CACHD1: variants seen among roughly 807,000 people sequenced by gnomAD.
CACHD1 encodes the protein VWFA and cache domain-containing protein 1.
Under a neutral mutation model 138.7 loss-of-function variants are expected in CACHD1, and 71 were observed. The ratio of observed to expected loss-of-function variants is 0.51; its 90% CI spans 0.42 to 0.62. The LOEUF is 0.62. CACHD1 is among the 20% of genes least tolerant of loss of function. The pLI, the probability that CACHD1 is intolerant of heterozygous loss-of-function variation, is 0.00. For synonymous variants in CACHD1, 578 were observed against 591.5 expected (o/e 0.98, Z 0.33); for missense variants, 1,389 against 1,625.3 (o/e 0.85, Z 2.50).
At chr1:64,564,143 G>A (rs534158299) in intron 2 of CACHD1, among the ~76,000 whole-genome samples, 340 of 152,214 alleles carry the variant, frequency 2.2e-3, no homozygotes, top group Non-Finnish European at 3.8e-3. Context: ...TCTGTCTAAA[G>A]ACGGATCCTC....
chr1:64,661,275 A>G (rs968803051), intron 13 of CACHD1, among the ~76,000 whole-genome samples: 4 of 151,748 alleles, frequency 2.6e-5, no homozygotes, highest in African/African-American at 4.9e-5. Flanking sequence ...CTTGGTACAC[A>G]AAGAGACAAA....
intron 1 of CACHD1, among the ~76,000 whole-genome samples, chr1:64,519,718 C>T (rs305572): frequency 0.18 from 27,994 of 152,246 alleles, 4,711 homozygotes; most frequent in African/African-American, 0.45. Flanking sequence ...AGTCTTATGA[C>T]GAGCACATTT....
At chr1:64,652,614 A>G (rs1649132965) in intron 10 of CACHD1, among the ~76,000 whole-genome samples, 1 of 152,202 alleles carries the variant, frequency 6.6e-6, no homozygotes, top group East Asian at 1.9e-4. Flanking sequence ...TAAAGAAGAA[A>G]TAATGCAGCC....
At chr1:64,505,761 C>G (rs1646369619) in intron 1 of CACHD1, among the ~76,000 whole-genome samples, 1 of 142,836 alleles carries the variant, frequency 7.0e-6, no homozygotes, top group Admixed American at 6.9e-5. Flanking sequence ...TCCGGGCGCC[C>G]TCCTTCCCCG....
chr1:64,666,697 C>G (rs1428835450), intron 16 of CACHD1, among the ~76,000 whole-genome samples: 1 of 151,720 alleles, frequency 6.6e-6, no homozygotes, highest in Non-Finnish European at 1.5e-5. Context: ...AGCAACATAG[C>G]GAGACCCTGG....
intron 19 of CACHD1, among the ~76,000 whole-genome samples, chr1:64,674,396 CT>C (rs752748934): frequency 1.7e-4 from 26 of 152,252 alleles, no homozygotes; most frequent in Middle Eastern, 3.4e-3. Flanking sequence ...TGTGTATCTT[CT>C]ATTATTTATG....
At chr1:64,617,150 A>G (rs1042779283) in intron 4 of CACHD1, among the ~76,000 whole-genome samples, 2 of 41,604 alleles carry the variant, frequency 4.8e-5, no homozygotes, top group Non-Finnish European at 1.1e-4. Flanking sequence ...AAAAAACAAA[A>G]CAAAACAAAA....
intron 8 of CACHD1, among the ~76,000 whole-genome samples, chr1:64,647,017 G>A (rs901617683): frequency 8.7e-5 from 13 of 150,080 alleles, no homozygotes; most frequent in Non-Finnish European, 1.9e-4. Context: ...GTCCCCATAT[G>A]CAATCAGTTT....
At chr1:64,516,916 A>G (rs1323773515) in intron 1 of CACHD1, among the ~76,000 whole-genome samples, 2 of 152,226 alleles carry the variant, frequency 1.3e-5, no homozygotes, top group African/African-American at 4.8e-5. Context: ...TCAGCATTGC[A>G]ATTAACTGGA....
Position 64,663,737 on chromosome 1 carries a change from C to T in CACHD1, c.1994C>T (p.Pro665Leu), listed in dbSNP as rs770226675. The part of the protein sequence containing the change: ...IMLSAGSFSS[P>L]YEHLSQPETK... ...CTGTCTGCTGGCAGCTTTTCCTCCC[C>T]CTATGAGCACCTCAGCCAGCCAGAG... The change falls in exon 14 of 27, where the codon CCC (proline) becomes CTC (leucine). Residue 665 changes from proline (P) to leucine (L), a missense_variant. This residue lies in a region of CACHD1 where 1,000 missense variants were observed against 1,114.7 expected (regional missense o/e 0.90). Coordinates refer to ENST00000651257, the MANE Select transcript of CACHD1 (RefSeq NM_020925.4). The T allele has an allele frequency of 2.5e-6, 4 of 1,614,060 alleles. No individual in the cohort carries two copies. The highest frequency in any genetic ancestry group is 2.5e-6 in the Non-Finnish European group (3 of 1,180,010).
At chr1:64,614,813 TA>T (rs1181601880) in intron 4 of CACHD1, among the ~76,000 whole-genome samples, 2 of 152,200 alleles carry the variant, frequency 1.3e-5, no homozygotes, top group Non-Finnish European at 2.9e-5. Flanking sequence ...GTGGTAAATT[TA>T]GATCCTCATT....
At chr1:64,668,326 CAAAAA>C (rs531925361) in intron 16 of CACHD1, among the ~76,000 whole-genome samples, 1 of 87,710 alleles carries the variant, frequency 1.1e-5, no homozygotes, top group Non-Finnish European at 2.3e-5. Flanking sequence ...GACTGCATCT[CAAAAA>C]AAAAAAAAAA....
chr1:64,599,866 G>A (rs1000467122), intron 3 of CACHD1, among the ~76,000 whole-genome samples: 2 of 152,112 alleles, frequency 1.3e-5, no homozygotes, highest in Non-Finnish European at 2.9e-5. Context: ...TGAAAGCGAC[G>A]TGCTCTCTGT....
chr1:64,615,433 T>C lies in CACHD1; in HGVS notation c.517+12521T>C, dbSNP rs556377044. Among the ~76,000 whole-genome samples the C allele has an allele frequency of 9.1e-4, 138 of 152,326 alleles. 3 individuals carry two copies. The South Asian group carries it at 0.028, about 30-fold the overall frequency. On this transcript the variant is annotated intron_variant, in intron 4 of 26. Transcript: ENST00000651257. Reference sequence around the variant, plus strand: ...GGTTGTGTTGGCTCAGCTATGACTCTTTATGACTTTACTGTATGGCACATT... The same window carrying C: ...GGTTGTGTTGGCTCAGCTATGACTCCTTATGACTTTACTGTATGGCACATT...
At chr1:64,585,917 A>T (rs1179275086) in intron 3 of CACHD1, among the ~76,000 whole-genome samples, 1 of 152,234 alleles carries the variant, frequency 6.6e-6, no homozygotes, top group Non-Finnish European at 1.5e-5. Flanking sequence ...ATGAAGATTT[A>T]AAAATGGAAA....
rs1376025847 is a variant in CACHD1 at position 64,470,892 on chromosome 1, A to T, written c.148A>T (p.Ser50Cys). The T allele has an allele frequency of 6.2e-7, 1 of 1,609,136 alleles. No individual in the cohort carries two copies. The highest frequency in any genetic ancestry group is 1.3e-5 in the African/African-American group (1 of 74,968). Residue 50 changes from serine (S) to cysteine (C), a missense_variant, in exon 1 of 27, where the codon AGC (serine) becomes TGC (cysteine). Coordinates refer to ENST00000651257, the MANE Select transcript of CACHD1 (RefSeq NM_020925.4). This position sits in a 1 kb window ranked among gnomAD's most constrained non-coding sequence, Gnocchi z 5.2. Reference sequence around the variant, plus strand: ...CCTGGACGAGGCGCAAGTGCTGGCGAGCCAGATGCGGAGGCTGGCGGCCGA... The same window carrying T: ...CCTGGACGAGGCGCAAGTGCTGGCGTGCCAGATGCGGAGGCTGGCGGCCGA... Reference protein sequence around the residue: ...SILDEAQVLASQMRRLAAEEL... With the variant: ...SILDEAQVLACQMRRLAAEEL...
chr1:64,541,238 G>C (rs770646666), intron 1 of CACHD1, among the ~76,000 whole-genome samples: 1 of 152,212 alleles, frequency 6.6e-6, no homozygotes, highest in Non-Finnish European at 1.5e-5. Context: ...CATGCTTTTT[G>C]TGTACAATCC....
chr1:64,621,401 A>G (rs1647908678), intron 4 of CACHD1, among the ~76,000 whole-genome samples: 1 of 152,028 alleles, frequency 6.6e-6, no homozygotes, highest in Admixed American at 6.6e-5. Flanking sequence ...TTTTGTATAA[A>G]CTTGATCAAA....
At chr1:64,600,609 G>A (rs1647202682) in intron 3 of CACHD1, among the ~76,000 whole-genome samples, 1 of 152,222 alleles carries the variant, frequency 6.6e-6, no homozygotes, top group African/African-American at 2.4e-5. Flanking sequence ...ACAATGCTAA[G>A]CAATGTATGC....
Sources: allele counts gnomAD v4.1 joint callset (sites outside exome capture counted in the v4.1 genomes callset), GRCh38; gene constraint gnomAD v4.1.1; regional missense constraint gnomAD v4.1.1; non-coding constraint Gnocchi (gnomAD v3.1); transcripts MANE v1.5; gene names NCBI Gene and HGNC (gene_info 2026-07-23, HGNC 2026-07-21).